The following KCNIP1 variants were observed in gnomAD, a reference collection of about 807,000 sequenced individuals.
The protein encoded by KCNIP1 is A-type potassium channel modulatory protein KCNIP1.
KCNIP1 carries 18 observed loss-of-function variants against 33.0 expected under a neutral mutation model. The ratio of observed to expected loss-of-function variants is 0.55; its 90% CI spans 0.38 to 0.81. KCNIP1 has a LOEUF of 0.81. Ranked by LOEUF, KCNIP1 falls within the 30% of genes least tolerant of loss-of-function variation. KCNIP1 has a pLI of 0.00. For missense variants in KCNIP1, 238 were observed against 271.6 expected, an observed-to-expected ratio of 0.88 and a Z score of 0.87; for synonymous variants, 93 against 98.3, an observed-to-expected ratio of 0.95 and a Z score of 0.32.
intron 1 of KCNIP1, among the ~76,000 whole-genome samples, chr5:170,451,770 T>TGTGTGTGTGTGTGTGTGC (rs1215207951): frequency 6.8e-6 from 1 of 147,610 alleles, no homozygotes; most frequent in African/African-American, 2.5e-5. Context: ...TGTGTGTGTG[T>TGTGTGTGTGTGTGTGTGC]TTGCAGGGGG....
upstream of KCNIP1, among the ~76,000 whole-genome samples, chr5:170,501,140 G>T (rs1041093624): frequency 2.6e-5 from 4 of 152,192 alleles, no homozygotes; most frequent in Non-Finnish European, 4.4e-5. Flanking sequence ...AAAGTAAGGA[G>T]TGCTCTGATA....
chr5:170,603,933 G>T (rs887376827), intron 1 of KCNIP1, among the ~76,000 whole-genome samples: 1 of 152,232 alleles, frequency 6.6e-6, no homozygotes, highest in Non-Finnish European at 1.5e-5. Context: ...GGTAGATTCA[G>T]GGAGAAACAG....
intron 1 of KCNIP1, chr5:170,483,130 C>T: frequency 2.2e-6 from 1 of 445,654 alleles, no homozygotes; most frequent in Middle Eastern, 3.3e-4. Context: ...CACCTGCAGG[C>T]TGTGGAGACA....
At chr5:170,650,170 A>C (rs1477059695) in intron 1 of KCNIP1, among the ~76,000 whole-genome samples, 16 of 152,228 alleles carry the variant, frequency 1.1e-4, no homozygotes, top group Admixed American at 1.0e-3. Context: ...ATATATTGAA[A>C]TATAATTGAA....
At chr5:170,589,189 C>T (rs142415851) in intron 1 of KCNIP1, among the ~76,000 whole-genome samples, 3,303 of 151,942 alleles carry the variant, frequency 0.022, 54 homozygotes, top group Middle Eastern at 0.041. Context: ...TTAGTAGAGA[C>T]GGGGTTTCAC....
intron 1 of KCNIP1, among the ~76,000 whole-genome samples, chr5:170,713,722 C>A (rs1763537534): frequency 6.6e-6 from 1 of 152,120 alleles, no homozygotes; most frequent in African/African-American, 2.4e-5. Flanking sequence ...TATTTTGTAA[C>A]CTCAAAGCTA....
At chr5:170,356,562 T>G (rs1318574532) in intron 1 of KCNIP1, among the ~76,000 whole-genome samples, 1 of 152,212 alleles carries the variant, frequency 6.6e-6, no homozygotes, top group East Asian at 1.9e-4. Context: ...ACATATCTCA[T>G]CAACCTTGAA....
intron 1 of KCNIP1, among the ~76,000 whole-genome samples, chr5:170,460,436 C>T (rs554655516): frequency 6.6e-6 from 1 of 152,066 alleles, no homozygotes; most frequent in Non-Finnish European, 1.5e-5. Flanking sequence ...GCAAAAAATC[C>T]TTAACAAAAT....
intron 1 of KCNIP1, among the ~76,000 whole-genome samples, chr5:170,479,947 A>G (rs1054380306): frequency 6.6e-6 from 1 of 152,330 alleles, no homozygotes; most frequent in Admixed American, 6.5e-5. Context: ...CTTATAAACC[A>G]TTGTTTACAA....
At chr5:170,688,845 G>A (rs1317244718) in intron 1 of KCNIP1, among the ~76,000 whole-genome samples, 4 of 152,194 alleles carry the variant, frequency 2.6e-5, no homozygotes, top group Admixed American at 1.3e-4. Flanking sequence ...AAAATGGGCT[G>A]ATCCTATGGA....
At chr5:170,449,139 G>C (rs919326684) in intron 1 of KCNIP1, among the ~76,000 whole-genome samples, 4 of 152,198 alleles carry the variant, frequency 2.6e-5, no homozygotes, top group Non-Finnish European at 5.9e-5. Context: ...ATTTAGAAGA[G>C]AGGTAGTGAG....
intron 1 of KCNIP1, among the ~76,000 whole-genome samples, chr5:170,496,076 G>T (rs374761861): frequency 5.9e-4 from 90 of 152,286 alleles, no homozygotes; most frequent in African/African-American, 2.0e-3. Flanking sequence ...CAGCGGCAGG[G>T]TTACTGTTCC....
In KCNIP1 at chr5:170,528,573, G is replaced by C. The variant is rs564580450; in HGVS notation, c.61+23940G>C. The stretch of plus-strand genomic sequence containing the variant: ...AAGATACTTGGAAACAAATGTCCAA[G>C]GGCGTAATCTTGAAGGGGCTTGTGC... On this transcript the variant is annotated intron_variant, in intron 1 of 7. Transcript: ENST00000328939. Among the ~76,000 whole-genome samples, 7 of 152,332 alleles carry C rather than the reference G, an allele frequency of 4.6e-5. No homozygotes were observed. In the South Asian group the frequency reaches 1.5e-3, roughly 32 times the overall value.
At chr5:170,446,314 A>G (rs955619907) in intron 1 of KCNIP1, among the ~76,000 whole-genome samples, 2 of 152,148 alleles carry the variant, frequency 1.3e-5, no homozygotes, top group Non-Finnish European at 2.9e-5. Flanking sequence ...GGACTCTTAC[A>G]TAGGCTATGT....
At chr5:170,370,276 TC>T (rs902912649) in intron 1 of KCNIP1, among the ~76,000 whole-genome samples, 86 of 152,308 alleles carry the variant, frequency 5.6e-4, no homozygotes, top group African/African-American at 2.0e-3. Context: ...TTGTGAAGCA[TC>T]TTTTATGCAC....
chr5:170,626,026 C>T (rs541886247), intron 1 of KCNIP1, among the ~76,000 whole-genome samples: 45 of 152,090 alleles, frequency 3.0e-4, no homozygotes, highest in East Asian at 3.9e-4. Context: ...AGGTGAGTGG[C>T]GTGGGATAAG....
At chr5:170,605,384 G>A (rs1020245654) in intron 1 of KCNIP1, among the ~76,000 whole-genome samples, 4 of 152,192 alleles carry the variant, frequency 2.6e-5, no homozygotes, top group African/African-American at 9.7e-5. Flanking sequence ...GAAAGGATTG[G>A]ATATACTCAG....
intron 1 of KCNIP1, among the ~76,000 whole-genome samples, chr5:170,470,930 T>C (rs1326436338): frequency 6.6e-6 from 1 of 152,234 alleles, no homozygotes; most frequent in African/African-American, 2.4e-5. Flanking sequence ...TGCCTGCAGA[T>C]GGCACTTTCC....
Position 170,529,174 on chromosome 5 carries a change from A to C in KCNIP1, c.61+24541A>C, listed in dbSNP as rs189935648. On this transcript the variant is annotated intron_variant, in intron 1 of 7. Transcript: ENST00000328939. ...GTGCTCAAAGAAAATGTCGACAAGAACCTGTTGATTTCTCTGTCTCAGCTC... is the reference window on the plus strand; with the variant it reads ...GTGCTCAAAGAAAATGTCGACAAGACCCTGTTGATTTCTCTGTCTCAGCTC... Among the ~76,000 whole-genome samples the C allele has an allele frequency of 4.6e-5, 7 of 152,248 alleles. No homozygotes were observed. In the East Asian group the frequency reaches 1.4e-3, roughly 29 times the overall value.
Sources: gnomAD v4.1 joint callset for allele counts (sites outside exome capture counted in the v4.1 genomes callset) on GRCh38, gnomAD v4.1.1 for gene constraint, MANE v1.5 for transcripts, NCBI Gene and HGNC (gene_info 2026-07-23, HGNC 2026-07-21) for gene names.